DPH6: variants seen among roughly 807,000 people sequenced by gnomAD.
DPH6 encodes diphthamine biosynthesis 6, also known as diphthine--ammonia ligase.
Under a neutral mutation model 38.2 loss-of-function variants are expected in DPH6, and 33 were observed. The ratio of observed to expected loss-of-function variants is 0.86; its 90% CI spans 0.65 to 1.15. The LOEUF is 1.15. DPH6 is among the 50% of genes most tolerant of loss of function. The pLI is 0.00. For missense variants in DPH6, 325 were observed against 320.0 expected (o/e 1.02, Z -0.12); for synonymous variants, 108 against 103.0 (o/e 1.05, Z -0.30).
chr15:35,521,629 G>A, intron 3 of DPH6: 1 of 1,229,876 alleles, frequency 8.1e-7, no homozygotes, highest in Non-Finnish European at 1.0e-6. Context: ...AAAAAAATCA[G>A]GCAATGTATT....
At chr15:35,417,196 G>A (rs936488783) in intron 5 of DPH6, among the ~76,000 whole-genome samples, 3 of 151,840 alleles carry the variant, frequency 2.0e-5, no homozygotes, top group African/African-American at 2.4e-5. Context: ...TATGTACAGC[G>A]CTTATAATAT....
intron 3 of DPH6, among the ~76,000 whole-genome samples, chr15:35,492,584 C>T (rs1050366935): frequency 6.6e-6 from 1 of 152,156 alleles, no homozygotes; most frequent in East Asian, 1.9e-4. Flanking sequence ...CCACCACGGA[C>T]TGAGATTTTC....
chr15:35,435,639 CT>C (rs2053689128), intron 5 of DPH6, among the ~76,000 whole-genome samples: 1 of 152,080 alleles, frequency 6.6e-6, no homozygotes, highest in South Asian at 2.1e-4. Context: ...TTCTTTTTGC[CT>C]AATAAATCTG....
In DPH6 at chr15:35,485,172, A is replaced by G. The variant is rs573232218; in HGVS notation, c.313-30352T>C. 4.4e-4 allele frequency among the ~76,000 whole-genome samples: 67 copies of G among 152,326 alleles called. No homozygotes were observed. In the Middle Eastern group the frequency reaches 0.01, roughly 23 times the overall value. On this transcript the variant is annotated intron_variant, in intron 3 of 8. Coordinates refer to ENST00000256538, the MANE Select transcript of DPH6 (RefSeq NM_080650.4). ...GAGGCATGGATAGGTAAAATTGTCC[A>G]GGATCACACAGCTAGTAAATAGCAG...
chr15:35,518,207 T>C (rs941905056), intron 3 of DPH6, among the ~76,000 whole-genome samples: 3 of 152,042 alleles, frequency 2.0e-5, no homozygotes, highest in Non-Finnish European at 4.4e-5. Flanking sequence ...GGAGTGTATG[T>C]ACACACACGT....
intron 3 of DPH6, chr15:35,519,762 A>C (rs549664568): frequency 5.6e-4 from 86 of 152,518 alleles, no homozygotes; most frequent in African/African-American, 1.8e-3. Context: ...TTTACAATAG[A>C]GGCTGAGAAA....
chr15:35,412,891 G>A (rs1386405107), intron 5 of DPH6, among the ~76,000 whole-genome samples: 7 of 151,602 alleles, frequency 4.6e-5, no homozygotes, highest in East Asian at 3.9e-4. Flanking sequence ...TACTCTGCAC[G>A]ATACTATAAT....
chr15:35,307,985 C>T (rs2052107613), intron 3 of DPH6, among the ~76,000 whole-genome samples: 1 of 152,130 alleles, frequency 6.6e-6, no homozygotes, highest in Non-Finnish European at 1.5e-5. Context: ...GAAATAAAAA[C>T]TTCTGGTCAG....
At chr15:35,436,197 T>G (rs942618798) in intron 5 of DPH6, among the ~76,000 whole-genome samples, 1 of 152,036 alleles carries the variant, frequency 6.6e-6, no homozygotes, top group Non-Finnish European at 1.5e-5. Context: ...CTGGGCGCGG[T>G]GGCTCATGCC....
intron 5 of DPH6, 59 bp downstream of exon 5, chr15:35,450,626 A>C (rs1417865788): frequency 4.6e-6 from 6 of 1,318,632 alleles, no homozygotes; most frequent in Non-Finnish European, 5.4e-6. Context: ...ACTACTTATT[A>C]GTGAACTGAG....
intron 6 of DPH6, among the ~76,000 whole-genome samples, chr15:35,400,249 G>A (rs1046141220): frequency 6.6e-6 from 1 of 152,112 alleles, no homozygotes; most frequent in Non-Finnish European, 1.5e-5. Context: ...GGAAAAGAAA[G>A]GTTTATTACC....
the DPH6 span, among the ~76,000 whole-genome samples, chr15:35,154,120 T>C: frequency 6.6e-6 from 1 of 152,202 alleles, no homozygotes; most frequent in South Asian, 2.1e-4. Context: ...TATTGCACAG[T>C]AGGGTGAAGA....
At chr15:35,384,731 CT>C (rs2052923650) in intron 6 of DPH6, among the ~76,000 whole-genome samples, 1 of 152,080 alleles carries the variant, frequency 6.6e-6, no homozygotes, top group African/African-American at 2.4e-5. Flanking sequence ...GTTACCACCC[CT>C]ATGCATGCAG....
chr15:35,301,129 C>T (rs561707310), intron 3 of DPH6, among the ~76,000 whole-genome samples: 2 of 152,268 alleles, frequency 1.3e-5, no homozygotes, highest in East Asian at 3.9e-4. Flanking sequence ...TTACATAGTA[C>T]TATGTAGGTT....
chr15:35,307,550 C>T (rs1211658048), intron 3 of DPH6, among the ~76,000 whole-genome samples: 1 of 151,968 alleles, frequency 6.6e-6, no homozygotes, highest in Admixed American at 6.6e-5. Context: ...GGTTAACTAA[C>T]AAAATTGAAA....
the DPH6 span, among the ~76,000 whole-genome samples, chr15:35,205,190 T>G: frequency 6.6e-6 from 1 of 152,030 alleles, no homozygotes; most frequent in East Asian, 1.9e-4. Flanking sequence ...TCAAATTCCA[T>G]ACCAATTCAA....
intron 3 of DPH6, among the ~76,000 whole-genome samples, chr15:35,337,333 CTCTT>C (rs1274082558): frequency 6.6e-6 from 1 of 151,994 alleles, no homozygotes; most frequent in Non-Finnish European, 1.5e-5. Context: ...TGATTCTTCT[CTCTT>C]TTTTTCTTTA....
chr15:35,237,783 A>AG (rs2051565094), intron 3 of DPH6: 1 of 1,605,286 alleles, frequency 6.2e-7, no homozygotes, highest in African/African-American at 1.3e-5. Flanking sequence ...CGGGACGACA[A>AG]GGAGGCCCCT....
At chr15:35,415,281 T>C (rs906771946) in intron 5 of DPH6, among the ~76,000 whole-genome samples, 5 of 151,966 alleles carry the variant, frequency 3.3e-5, no homozygotes, top group African/African-American at 4.8e-5. Context: ...CACATACATA[T>C]AACACAGTCA....
Sources: allele counts gnomAD v4.1 joint callset (sites outside exome capture counted in the v4.1 genomes callset), GRCh38; gene constraint gnomAD v4.1.1; transcripts MANE v1.5; gene names NCBI Gene and HGNC (gene_info 2026-07-23, HGNC 2026-07-21).